Variants in AHCTF1 observed in about 807,000 individuals in gnomAD.
AHCTF1 encodes the protein AT-hook containing transcription factor 1.
AHCTF1 carries 24 observed loss-of-function variants against 248.4 expected under a neutral mutation model. The observed-to-expected ratio is 0.10, with a 90% CI of 0.07 to 0.14. The LOEUF (loss-of-function observed/expected upper bound fraction) is 0.14, where lower values mean the gene tolerates loss of function less well. Among genes scored for constraint, AHCTF1 ranks in the 10% least tolerant of loss-of-function variants. The probability of loss-of-function intolerance (pLI) is 1.00; values close to 1 mark genes in which losing one functional copy is unlikely to be tolerated. For synonymous variants in AHCTF1, 786 were observed against 929.8 expected (o/e 0.85, Z 2.81); for missense variants, 2,206 against 2,636.2 (o/e 0.84, Z 3.57).
At chr1:246,862,340 C>T (rs111560856) in intron 27 of AHCTF1, among the ~76,000 whole-genome samples, 187 bp from the exon 28 acceptor site, 55 of 152,086 alleles carry the variant, frequency 3.6e-4, no homozygotes, top group African/African-American at 1.2e-3. Flanking sequence ...ATTAGGCAGG[C>T]GGGGTGGCGG....
At position 246,839,910 on chromosome 1, in the gene AHCTF1, G is replaced by A. The variant is rs893167320; in HGVS notation, c.*896C>T. On this transcript the variant is annotated 3_prime_UTR_variant, in exon 36 of 36. Coordinates refer to ENST00000648844, the MANE Select transcript of AHCTF1 (RefSeq NM_001323342.2). ...CTCCCAACCTCAATAATCTGTGCCT[G>A]AGGTCCTGTGAGAATTTGCCAGTTT... 2.6e-5 allele frequency: 4 copies of A among 152,560 alleles called. No homozygotes were observed. The highest frequency in any genetic ancestry group is 2.1e-4 in the South Asian group (1 of 4,826). The allele number at this position is 152,560 out of a possible 1,614,324, so 9.5% of individuals were successfully genotyped here. A position where few individuals can be genotyped will look rare whatever the true frequency, so the allele number is the denominator to read the frequency against.
intron 21 of AHCTF1, among the ~76,000 whole-genome samples, chr1:246,878,970 A>T (rs1663194816): frequency 6.6e-6 from 1 of 152,210 alleles, no homozygotes. Flanking sequence ...GTGCACAGAA[A>T]TATAGTCATT....
chr1:246,856,543 C>G (rs1661121185), intron 30 of AHCTF1, among the ~76,000 whole-genome samples: 1 of 151,760 alleles, frequency 6.6e-6, no homozygotes, highest in Admixed American at 6.7e-5. Flanking sequence ...CAGGTTCTCA[C>G]TGGTAACTCT....
chr1:246,886,339 TAAATAA>T (rs1324600968), intron 20 of AHCTF1, among the ~76,000 whole-genome samples: 1 of 151,436 alleles, frequency 6.6e-6, no homozygotes, highest in Non-Finnish European at 1.5e-5. Context: ...TCAAAATAAA[TAAATAA>T]AAATAAAAAA....
intron 7 of AHCTF1, among the ~76,000 whole-genome samples, chr1:246,903,055 A>T (rs1665117600): frequency 6.6e-6 from 1 of 152,226 alleles, no homozygotes; most frequent in African/African-American, 2.4e-5. Flanking sequence ...TAGCTTATTG[A>T]TACCTTTAAG....
chr1:246,884,331 T>G (rs960538142), intron 21 of AHCTF1, among the ~76,000 whole-genome samples: 2 of 152,166 alleles, frequency 1.3e-5, no homozygotes, highest in Admixed American at 1.3e-4. Context: ...TAAACTTCTT[T>G]TCTTCTGCCT....
At chr1:246,874,102 ATC>A (rs1356187686) in intron 24 of AHCTF1, among the ~76,000 whole-genome samples, 2 of 152,044 alleles carry the variant, frequency 1.3e-5, no homozygotes, top group Non-Finnish European at 2.9e-5. Flanking sequence ...GTATTTTATA[ATC>A]TTTTTTAATA....
At chr1:246,879,727 C>T (rs1270116604) in intron 21 of AHCTF1, among the ~76,000 whole-genome samples, 1 of 151,978 alleles carries the variant, frequency 6.6e-6, no homozygotes, top group Non-Finnish European at 1.5e-5. Context: ...ACTTGCGAGA[C>T]TGAGGCAGGA....
At chr1:246,860,216 C>T (rs1384406822) in intron 29 of AHCTF1, among the ~76,000 whole-genome samples, 1 of 151,806 alleles carries the variant, frequency 6.6e-6, no homozygotes, top group African/African-American at 2.4e-5. Flanking sequence ...TGCAGTGAGC[C>T]GAGATCACGC....
intron 8 of AHCTF1, among the ~76,000 whole-genome samples, chr1:246,901,583 A>C (rs1258351124): frequency 1.9e-4 from 29 of 152,168 alleles, no homozygotes; most frequent in Non-Finnish European, 5.9e-5. Context: ...GAGATCGTGC[A>C]ACTGCACTGG....
intron 24 of AHCTF1, among the ~76,000 whole-genome samples, chr1:246,875,028 A>G (rs1006566387): frequency 7.0e-6 from 1 of 143,022 alleles, no homozygotes; most frequent in Non-Finnish European, 1.5e-5. Flanking sequence ...CCATCTCCTG[A>G]CAGGCCAACA....
At chr1:246,841,086 G>C in intron 35 of AHCTF1, 88 bp from the exon 36 acceptor site, 1 of 1,162,144 alleles carries the variant, frequency 8.6e-7, no homozygotes, top group South Asian at 1.5e-5. Context: ...AAAAACCTTA[G>C]GGACTGCTTA....
At chr1:246,869,251 T>G (rs1662370503) in intron 24 of AHCTF1, among the ~76,000 whole-genome samples, 1 of 152,114 alleles carries the variant, frequency 6.6e-6, no homozygotes, top group Non-Finnish European at 1.5e-5. Flanking sequence ...TGACTAACTG[T>G]TCCCCCGCGT....
At chr1:246,871,349 C>T (rs922087726) in intron 24 of AHCTF1, among the ~76,000 whole-genome samples, 1 of 152,214 alleles carries the variant, frequency 6.6e-6, no homozygotes, top group Admixed American at 6.5e-5. Context: ...GAGGCAGCCA[C>T]ATCAAGGTGT....
rs542190722 is a variant in AHCTF1, at chr1:246,849,785, T to C, written c.6221A>G (p.His2074Arg). The change falls in exon 33 of 36, where the codon CAT becomes CGT. Residue 2074 changes from histidine (H) to arginine (R), a missense_variant. His to Arg is a conservative substitution (Grantham distance 29). Around this residue, in one of 6 missense-constraint regions of AHCTF1, gnomAD observed 469 missense variants for 470.0 expected, o/e 1.00. Coordinates refer to ENST00000648844, the MANE Select transcript of AHCTF1 (RefSeq NM_001323342.2). ...TTCTTCCTGCTCATTTGTTTCTTTA[T>C]GTGTCATTTCATCTGTGCGTTCTTC... ...VSEERTDEMT[H>R]KETNEQEERL... 7 of 1,614,004 alleles carry C rather than the reference T, an allele frequency of 4.3e-6. No individual in the cohort carries two copies. The highest frequency in any genetic ancestry group is 1.7e-5 in the Admixed American group (1 of 60,024).
chr1:246,909,127 T>G (rs1218890437), intron 4 of AHCTF1, among the ~76,000 whole-genome samples: 1 of 148,024 alleles, frequency 6.8e-6, no homozygotes, highest in Non-Finnish European at 1.5e-5. Context: ...ATATATAAAA[T>G]TCAGCCAGGT....
chr1:246,852,346 T>TAAAC (rs1332711280), intron 32 of AHCTF1, among the ~76,000 whole-genome samples: 4 of 151,378 alleles, frequency 2.6e-5, no homozygotes, highest in African/African-American at 9.7e-5. Context: ...TCCCAAATCC[T>TAAAC]AAACAAATTT....
rs186278955 is a variant in AHCTF1 at position 246,839,224 on chromosome 1, G to C, written c.*1582C>G. 2 of 152,150 alleles carry C rather than the reference G, an allele frequency of 1.3e-5. No individual in the cohort carries two copies. The highest frequency in any genetic ancestry group is 4.1e-4 in the South Asian group (2 of 4,826). 9.4% of individuals were successfully genotyped at this position (152,150 alleles called of 1,614,324 possible). On this transcript the variant is annotated 3_prime_UTR_variant, in exon 36 of 36. Coordinates refer to ENST00000648844, the MANE Select transcript of AHCTF1 (RefSeq NM_001323342.2). ...TTGTTTGCTTATGATCTACATTCACGGAGGGGGGAAAAAAAGTACACTTAT... is the reference window on the plus strand; with the variant it reads ...TTGTTTGCTTATGATCTACATTCACCGAGGGGGGAAAAAAAGTACACTTAT...
intron 29 of AHCTF1, 109 bp downstream of exon 29, chr1:246,860,790 A>G (rs2103065346): frequency 7.0e-7 from 1 of 1,418,914 alleles, no homozygotes; most frequent in South Asian, 1.4e-5. Context: ...AACTAGCATG[A>G]GCCACAGTAC....
Sources: gnomAD v4.1 joint callset for allele counts (sites outside exome capture counted in the v4.1 genomes callset) on GRCh38, gnomAD v4.1.1 for gene constraint, gnomAD v4.1.1 regional missense constraint, MANE v1.5 for transcripts, NCBI Gene and HGNC (gene_info 2026-07-23, HGNC 2026-07-21) for gene names.